Variants in CWF19L2 observed in about 807,000 individuals in gnomAD.
CWF19L2 encodes the protein CWF19 like cell cycle control factor 2, also known as CWF19-like protein 2.
CWF19L2 carries 98 observed loss-of-function variants against 111.7 expected under a neutral mutation model. The observed-to-expected ratio is 0.88, with a 90% CI of 0.75 to 1.04. CWF19L2 has a LOEUF of 1.04. Among genes scored for constraint, CWF19L2 ranks in the 50% least tolerant of loss-of-function variants. The pLI is 0.00. For synonymous variants in CWF19L2, 351 were observed against 342.9 expected (o/e 1.02, Z -0.26); for missense variants, 1,101 against 1,051.4 (o/e 1.05, Z -0.65).
chr11:107,350,433 T>C (rs974098701), intron 13 of CWF19L2, among the ~76,000 whole-genome samples: 2 of 152,142 alleles, frequency 1.3e-5, no homozygotes, highest in Admixed American at 1.3e-4. Flanking sequence ...CCCTTATGAA[T>C]GGGATTAATT....
chr11:107,327,981 GT>G (rs1183591517), intron 17 of CWF19L2, among the ~76,000 whole-genome samples: 1 of 152,078 alleles, frequency 6.6e-6, no homozygotes, highest in Admixed American at 6.6e-5. Context: ...AATGCCGTAT[GT>G]TGTAGGGGAT....
chr11:107,334,103 T>C (rs1474407700), intron 16 of CWF19L2, among the ~76,000 whole-genome samples: 1 of 152,052 alleles, frequency 6.6e-6, no homozygotes, highest in Admixed American at 6.5e-5. Flanking sequence ...ATAATCTCCA[T>C]CAAGTCTGGA....
chr11:107,429,320 T>C lies in CWF19L2; in HGVS notation c.912A>G (p.Glu304=), dbSNP rs781555891. Reference sequence around the variant, plus strand: ...TGTTACCATATTTTACTAAGTCTGATTCTCTACTTTCTTGACAATTTTGTG... The same window carrying C: ...TGTTACCATATTTTACTAAGTCTGACTCTCTACTTTCTTGACAATTTTGTG... The part of the protein sequence containing the change: ...DKAQNCQESR[E]SDLVKYGNSS... The change falls in exon 8 of 18, where the codon GAA becomes GAG. Residue 304 remains glutamate (E), a synonymous_variant. Transcript: ENST00000282251. The C allele has an allele frequency of 1.3e-5, 21 of 1,610,326 alleles. No homozygotes were observed. Among genetic ancestry groups the C allele is most frequent in the Non-Finnish European group, 1.8e-5 (21 of 1,177,840 alleles).
intron 10 of CWF19L2, among the ~76,000 whole-genome samples, chr11:107,395,262 G>GT (rs1860906544): frequency 6.6e-6 from 1 of 152,286 alleles, no homozygotes; most frequent in South Asian, 2.1e-4. Flanking sequence ...TGCCATCCAC[G>GT]TAAGATGTGA....
chr11:107,436,822 C>A (rs535431473), intron 6 of CWF19L2, among the ~76,000 whole-genome samples: 5 of 152,070 alleles, frequency 3.3e-5, no homozygotes, highest in African/African-American at 1.2e-4. Flanking sequence ...ACACGACTAC[C>A]AGAAAAATTA....
chr11:107,437,663 A>G (rs1173609253), intron 6 of CWF19L2, among the ~76,000 whole-genome samples: 1 of 152,216 alleles, frequency 6.6e-6, no homozygotes, highest in Non-Finnish European at 1.5e-5. Context: ...CTCTAAAAGC[A>G]TAATTTTCTC....
At chr11:107,420,428 T>C (rs1462213085) in intron 8 of CWF19L2, among the ~76,000 whole-genome samples, 1 of 152,050 alleles carries the variant, frequency 6.6e-6, no homozygotes, top group African/African-American at 2.4e-5. Context: ...ACAAAGAACG[T>C]CATTTCATAT....
At chr11:107,418,726 T>C (rs886250493) in intron 8 of CWF19L2, among the ~76,000 whole-genome samples, 100 of 152,308 alleles carry the variant, frequency 6.6e-4, no homozygotes, top group Middle Eastern at 6.8e-3. Context: ...AATAAAAGCA[T>C]TGATCGTGTG....
chr11:107,397,346 G>T (rs549615267), intron 10 of CWF19L2, among the ~76,000 whole-genome samples: 137 of 152,214 alleles, frequency 9.0e-4, no homozygotes, highest in African/African-American at 3.2e-3. Flanking sequence ...GAGTGAGACT[G>T]GCCCTTCAGT....
chr11:107,357,687 C>T (rs972114681), intron 12 of CWF19L2, among the ~76,000 whole-genome samples: 1 of 152,174 alleles, frequency 6.6e-6, no homozygotes, highest in Admixed American at 6.5e-5. Context: ...ATTCCCTCCT[C>T]CTGCAGCCTC....
chr11:107,359,363 C>G (rs1339473449), intron 12 of CWF19L2, among the ~76,000 whole-genome samples: 1 of 152,206 alleles, frequency 6.6e-6, no homozygotes, highest in Admixed American at 6.5e-5. Flanking sequence ...GAACAGTGAA[C>G]TGTCCTTTTG....
At chr11:107,393,708 C>CA (rs1860881680) in intron 10 of CWF19L2, among the ~76,000 whole-genome samples, 1 of 152,176 alleles carries the variant, frequency 6.6e-6, no homozygotes, top group East Asian at 1.9e-4. Flanking sequence ...CACAATCACA[C>CA]AAAAAACAGA....
In CWF19L2 at chr11:107,428,787, A is replaced by C; in HGVS notation, c.1433+12T>G. 1.3e-6 allele frequency: 2 copies of C among 1,582,950 alleles called. No individual in the cohort carries two copies. Among genetic ancestry groups the C allele is most frequent in the Non-Finnish European group, 1.7e-6 (2 of 1,166,676 alleles). On this transcript the variant is annotated intron_variant, in intron 8 of 17. Transcript: ENST00000282251. The stretch of plus-strand genomic sequence containing the variant: ...GGATCTTAACTTATTAGGTTAAAAA[A>C]TGATAAAATACCCAGCAAATGTAGA...
intron 8 of CWF19L2, among the ~76,000 whole-genome samples, chr11:107,423,101 G>A (rs749398122): frequency 2.5e-4 from 38 of 151,914 alleles, no homozygotes; most frequent in Non-Finnish European, 5.6e-4. Context: ...CGTGGGCTGA[G>A]TTATTGCTTG....
In CWF19L2 at chr11:107,457,324, G is replaced by A. The variant is rs663594; in HGVS notation, c.105+388C>T. 5.2e-3 allele frequency among the ~76,000 whole-genome samples: 791 copies of A among 152,216 alleles called. 3 individuals are homozygous for A. The highest frequency in any genetic ancestry group is 0.018 in the African/African-American group (739 of 41,558). Reference sequence around the variant, plus strand: ...TCAAGTGTGACTTGAATGTGTTTCCGAAAAAGGAAAATCTCATTTCAGATA... The same window carrying A: ...TCAAGTGTGACTTGAATGTGTTTCCAAAAAAGGAAAATCTCATTTCAGATA... On this transcript the variant is annotated intron_variant, in intron 1 of 17. Coordinates refer to ENST00000282251, the MANE Select transcript of CWF19L2 (RefSeq NM_152434.3).
At chr11:107,365,207 A>G (rs1860420780) in intron 12 of CWF19L2, among the ~76,000 whole-genome samples, 1 of 149,386 alleles carries the variant, frequency 6.7e-6, no homozygotes, top group African/African-American at 2.5e-5. Flanking sequence ...AAAAGAGTCC[A>G]GGACCAGATG....
chr11:107,439,035 GAAAAA>G, intron 6 of CWF19L2, 50 bp downstream of exon 6: 20 of 288,554 alleles, frequency 6.9e-5, no homozygotes, highest in South Asian at 8.8e-5. Context: ...ACTCTGTCTC[GAAAAA>G]AAAAAAAAAA....
rs1230934486 is a variant in CWF19L2, at chr11:107,367,098, A to G, written c.1873-13362T>C. 3.4e-5 allele frequency among the ~76,000 whole-genome samples: 4 copies of G among 115,970 alleles called. 1 individual carries two copies. The highest frequency in any genetic ancestry group is 1.3e-4 in the African/African-American group (4 of 30,392). 76.1% of individuals were successfully genotyped at this position (115,970 alleles called of 152,430 possible). On this transcript the variant is annotated intron_variant, in intron 12 of 17. Transcript: ENST00000282251. Reference sequence around the variant, plus strand: ...AAAATGCTCATCATCACTGGCCATCAGAGAAATGCAAATCAAAACCACAAC... The same window carrying G: ...AAAATGCTCATCATCACTGGCCATCGGAGAAATGCAAATCAAAACCACAAC...
chr11:107,349,517 A>G (rs1455379567), intron 13 of CWF19L2, among the ~76,000 whole-genome samples: 3 of 152,190 alleles, frequency 2.0e-5, no homozygotes, highest in Admixed American at 6.5e-5. Flanking sequence ...GAATTAACTC[A>G]GCTAAGACGA....
Sources: gnomAD v4.1 joint callset for allele counts (sites outside exome capture counted in the v4.1 genomes callset) on GRCh38, gnomAD v4.1.1 for gene constraint, MANE v1.5 for transcripts, NCBI Gene and HGNC (gene_info 2026-07-23, HGNC 2026-07-21) for gene names.